PLAGL1: variants seen among roughly 807,000 people sequenced by gnomAD.
PLAGL1 encodes zinc finger protein PLAGL1.
In PLAGL1, 1 loss-of-function variant was observed where a neutral mutation model predicts 4.6. The ratio of observed to expected loss-of-function variants is 0.22; its 90% CI spans 0.08 to 1.03. PLAGL1 has a LOEUF of 1.03. Ranked by LOEUF, PLAGL1 falls within the 50% of genes least tolerant of loss-of-function variation. PLAGL1 has a pLI of 0.58. For missense variants in PLAGL1, 464 were observed against 570.4 expected (o/e 0.81, Z 1.90); for synonymous variants, 240 against 237.8 (o/e 1.01, Z -0.08).
intron 7 of PLAGL1, among the ~76,000 whole-genome samples, chr6:143,944,710 C>T (rs1779375810): frequency 2.3e-5 from 1 of 42,856 alleles, no homozygotes; most frequent in East Asian, 3.0e-3. Context: ...GCAGGATATC[C>T]ATATGTATAT....
chr6:143,983,024 A>G lies in PLAGL1; in HGVS notation c.-544+2111T>C, dbSNP rs1415100353. On this transcript the variant is annotated intron_variant, in intron 2 of 7. Transcript: ENST00000674357. This position sits in a 1 kb window ranked among gnomAD's most constrained non-coding sequence, Gnocchi z 6.6. ...GAATGGGAGCAGCTAGGGAGTGAGA[A>G]TCGACAGAGGACAAGTACAGAGACT... is the stretch of plus-strand genomic sequence containing the variant. Among the ~76,000 whole-genome samples, 5 of 152,200 alleles carry G rather than the reference A, an allele frequency of 3.3e-5. No individual in the cohort carries two copies. Among genetic ancestry groups the G allele is most frequent in the Non-Finnish European group, 7.3e-5 (5 of 68,030 alleles).
chr6:143,971,540 A>G lies in PLAGL1; in HGVS notation c.-543-2562T>C, dbSNP rs1345560284. On this transcript the variant is annotated intron_variant, in intron 2 of 7. Coordinates refer to ENST00000674357, the MANE Select transcript of PLAGL1 (RefSeq NM_001317162.2). This position sits in a 1 kb window ranked among gnomAD's most constrained non-coding sequence, Gnocchi z 4.7. ...CACTTCCAGCTCTGGCTTTAAAAAG[A>G]AATAGGTTATAAGTTGAGAATAGCT... Among the ~76,000 whole-genome samples the G allele has an allele frequency of 6.6e-6, 1 of 152,258 alleles. No homozygotes were observed. Among genetic ancestry groups the G allele is most frequent in the Non-Finnish European group, 1.5e-5 (1 of 68,050 alleles).
chr6:144,063,620 G>C lies in PLAGL1; in HGVS notation c.-151+848C>G, dbSNP rs934202088. Among the ~76,000 whole-genome samples the C allele has an allele frequency of 1.1e-4, 16 of 152,194 alleles. No individual in the cohort carries two copies. Among genetic ancestry groups the C allele is most frequent in the African/African-American group, 3.6e-4 (15 of 41,448 alleles). ...ACAGATGCTCAATGCCACGACCCTT[G>C]AATAACTGCCATAGTTGTCACTTCA... On this transcript the variant is annotated intron_variant, in intron 1 of 3. Transcript: ENST00000437412. This position sits in a 1 kb window ranked among gnomAD's most constrained non-coding sequence, Gnocchi z 5.7.
chr6:143,956,236 C>A (rs1482737035), intron 6 of PLAGL1, among the ~76,000 whole-genome samples: 1 of 152,164 alleles, frequency 6.6e-6, no homozygotes, highest in Non-Finnish European at 1.5e-5. Flanking sequence ...TGGGCTAGCC[C>A]TGGGGGTAAG....
chr6:144,062,371 C>T (rs546032074), intron 1 of PLAGL1, among the ~76,000 whole-genome samples: 13 of 140,678 alleles, frequency 9.2e-5, no homozygotes, highest in South Asian at 7.0e-4. Context: ...AGTGAGACTC[C>T]GTCTCAAACA....
In PLAGL1 at chr6:143,964,499, ACT is replaced by A. The variant is rs1398941979; in HGVS notation, c.-399+286_-399+287del. On this transcript the variant is annotated intron_variant, in intron 5 of 7. Coordinates refer to ENST00000674357, the MANE Select transcript of PLAGL1 (RefSeq NM_001317162.2). This position sits in a 1 kb window ranked among gnomAD's most constrained non-coding sequence, Gnocchi z 4.3. ...CAGTAATGCTTCTTGCATAGTTGAC[ACT>A]CTGAGGTGAAATGCAGACTTGTGGG... Among the ~76,000 whole-genome samples, 12 of 152,282 alleles carry A rather than the reference ACT, an allele frequency of 7.9e-5. No individual in the cohort carries two copies. The highest frequency in any genetic ancestry group is 2.9e-4 in the African/African-American group (12 of 41,548).
intron 1 of PLAGL1, among the ~76,000 whole-genome samples, chr6:144,030,254 C>CAAAAAAAAAA (rs66563676): frequency 2.7e-4 from 12 of 44,558 alleles, no homozygotes; most frequent in Non-Finnish European, 3.9e-4. Flanking sequence ...GACTCCGTCT[C>CAAAAAAAAAA]AAAAAAAAAA....
At position 143,949,787 on chromosome 6, in the gene PLAGL1, C is replaced by T. The variant is rs1434484614; in HGVS notation, c.-324-1327G>A. Among the ~76,000 whole-genome samples, 1 of 152,118 alleles carries T rather than the reference C, an allele frequency of 6.6e-6. No individual in the cohort carries two copies. Among genetic ancestry groups the T allele is most frequent in the Non-Finnish European group, 1.5e-5 (1 of 68,016 alleles). ...ACCAATTGCAGTGAGTCTTTAAAGC[C>T]CTCCCTGCTCCTTGCAGTCATTTAT... On this transcript the variant is annotated intron_variant, in intron 6 of 7. Coordinates refer to ENST00000674357, the MANE Select transcript of PLAGL1 (RefSeq NM_001317162.2). This position sits in a 1 kb window ranked among gnomAD's most constrained non-coding sequence, Gnocchi z 5.3.
At chr6:144,009,852 C>G (rs1399414692), upstream of PLAGL1, among the ~76,000 whole-genome samples, 1 of 152,176 alleles carries the variant, frequency 6.6e-6, no homozygotes, top group Admixed American at 6.5e-5. Context: ...ATGAACTCAT[C>G]CTTTTTTATG....
intron 1 of PLAGL1, among the ~76,000 whole-genome samples, chr6:144,023,096 A>G (rs1161272687): frequency 6.6e-6 from 1 of 152,216 alleles, no homozygotes; most frequent in East Asian, 1.9e-4. Flanking sequence ...CATGGAAGAA[A>G]CTTAATGCAT....
At chr6:143,956,918 G>T (rs918047262) in intron 6 of PLAGL1, among the ~76,000 whole-genome samples, 1 of 152,236 alleles carries the variant, frequency 6.6e-6, no homozygotes, top group Non-Finnish European at 1.5e-5. Context: ...ATCTCTCACA[G>T]GTCTGGGGCC....
At position 144,061,722 on chromosome 6, in the gene PLAGL1, T is replaced by C. The variant is rs1191979107; in HGVS notation, c.-151+2746A>G. On this transcript the variant is annotated intron_variant, in intron 1 of 3. Coordinates refer to the PLAGL1 transcript ENST00000437412. The surrounding 1 kb of genome is among the most constrained non-coding windows in gnomAD (Gnocchi z 4.4). The stretch of plus-strand genomic sequence containing the variant: ...GAAGAAGTTGGCAGCCAGATTTGAT[T>C]CACTTATTCCTTTTCTACTCCCCAC... Among the ~76,000 whole-genome samples the C allele has an allele frequency of 6.6e-6, 1 of 152,198 alleles. No individual in the cohort carries two copies. Among genetic ancestry groups the C allele is most frequent in the Non-Finnish European group, 1.5e-5 (1 of 68,028 alleles).
In PLAGL1 at chr6:143,964,803, A is replaced by G. The variant is rs894944516; in HGVS notation, c.-415T>C. 1.3e-5 allele frequency: 2 copies of G among 152,242 alleles called. No individual in the cohort carries two copies. Among genetic ancestry groups the G allele is most frequent in the African/African-American group, 2.4e-5 (1 of 41,452 alleles). 9.4% of individuals were successfully genotyped at this position (152,242 alleles called of 1,614,324 possible). ...TATACTCACAAGATTAACTCCTCTGATTCCTATGCAAATACCTAGAAAGGG... is the reference window on the plus strand; with the variant it reads ...TATACTCACAAGATTAACTCCTCTGGTTCCTATGCAAATACCTAGAAAGGG... On this transcript the variant is annotated 5_prime_UTR_variant, in exon 5 of 8. Transcript: ENST00000674357. This position sits in a 1 kb window ranked among gnomAD's most constrained non-coding sequence, Gnocchi z 4.3.
Position 143,945,874 on chromosome 6 carries a change from G to C in PLAGL1, c.152+2111C>G, listed in dbSNP as rs1384162997. On this transcript the variant is annotated intron_variant, in intron 7 of 7. Transcript: ENST00000674357. The surrounding 1 kb of genome is among the most constrained non-coding windows in gnomAD (Gnocchi z 4.2). ...GAGGCAAGAAATGCTGGGGGCTGAGGCAGGGAAGGCGGTTCTTGCATAAAG... is the reference window on the plus strand; with the variant it reads ...GAGGCAAGAAATGCTGGGGGCTGAGCCAGGGAAGGCGGTTCTTGCATAAAG... 6.6e-6 allele frequency among the ~76,000 whole-genome samples: 1 copy of C among 152,176 alleles called. No homozygotes were observed.
At chr6:144,017,671 C>T (rs1174215229) in intron 1 of PLAGL1, among the ~76,000 whole-genome samples, 1 of 152,172 alleles carries the variant, frequency 6.6e-6, no homozygotes, top group Non-Finnish European at 1.5e-5. Flanking sequence ...ATTCAATAGC[C>T]TAGTCTTAGA....
chr6:144,056,242 C>T lies in PLAGL1; in HGVS notation c.-151+8226G>A, dbSNP rs1310274521. Among the ~76,000 whole-genome samples the T allele has an allele frequency of 1.3e-5, 2 of 152,048 alleles. No homozygotes were observed. Among genetic ancestry groups the T allele is most frequent in the African/African-American group, 4.8e-5 (2 of 41,376 alleles). On this transcript the variant is annotated intron_variant, in intron 1 of 3. Coordinates refer to the PLAGL1 transcript ENST00000437412. This position sits in a 1 kb window ranked among gnomAD's most constrained non-coding sequence, Gnocchi z 4.7. ...GGAGGAAAGAGACATCTTACATGTC[C>T]CATCCCCCACACACGCACAGCCTCC...
chr6:144,035,494 G>A (rs1797154156), intron 1 of PLAGL1, among the ~76,000 whole-genome samples: 1 of 152,212 alleles, frequency 6.6e-6, no homozygotes. Flanking sequence ...TTCTAGCCGT[G>A]CTGGCAGCTG....
At chr6:144,062,788 G>C (rs946002878) in intron 1 of PLAGL1, among the ~76,000 whole-genome samples, 3 of 152,168 alleles carry the variant, frequency 2.0e-5, no homozygotes, top group Non-Finnish European at 2.9e-5. Context: ...GGTACATGAA[G>C]ATCCCCAACA....
At chr6:143,951,969 GT>G (rs1464364883) in intron 6 of PLAGL1, among the ~76,000 whole-genome samples, 3 of 152,242 alleles carry the variant, frequency 2.0e-5, no homozygotes, top group Admixed American at 2.0e-4. Context: ...CCGTAACTAT[GT>G]ATTTCTTCCA....
Sources: allele counts gnomAD v4.1 joint callset (sites outside exome capture counted in the v4.1 genomes callset), GRCh38; gene constraint gnomAD v4.1.1; non-coding constraint Gnocchi (gnomAD v3.1); transcripts MANE v1.5; gene names NCBI Gene and HGNC (gene_info 2026-07-23, HGNC 2026-07-21).